Variants in PRELID2 observed in about 807,000 individuals in gnomAD.
PRELID2 encodes the protein PRELI domain containing 2.
In PRELID2, 25 loss-of-function variants were observed where a neutral mutation model predicts 28.4. The ratio of observed to expected loss-of-function variants is 0.88; its 90% CI spans 0.64 to 1.23. PRELID2 has a LOEUF of 1.23. Ranked by LOEUF, PRELID2 falls within the 50% of genes most tolerant of loss-of-function variation. The pLI, the probability that PRELID2 is intolerant of heterozygous loss-of-function variation, is 0.00. For missense variants in PRELID2, 201 were observed against 214.4 expected (o/e 0.94, Z 0.39); for synonymous variants, 76 against 71.6 (o/e 1.06, Z -0.31).
the PRELID2 span, among the ~76,000 whole-genome samples, chr5:145,412,110 C>T: frequency 1.3e-5 from 2 of 152,132 alleles, no homozygotes; most frequent in African/African-American, 2.4e-5. Flanking sequence ...AGGTCTCTGA[C>T]ACGCCCTGGA....
At chr5:145,595,388 T>C (rs928978887) in intron 1 of PRELID2, among the ~76,000 whole-genome samples, 10 of 152,180 alleles carry the variant, frequency 6.6e-5, no homozygotes, top group Admixed American at 2.0e-4. Flanking sequence ...AGGTGGGTTG[T>C]AGTTTGGAAG....
the PRELID2 span, among the ~76,000 whole-genome samples, chr5:145,392,028 C>T: frequency 6.6e-6 from 1 of 152,260 alleles, no homozygotes; most frequent in African/African-American, 2.4e-5. Flanking sequence ...ATTTTCCTGT[C>T]TTCTTCTGGG....
the PRELID2 span, among the ~76,000 whole-genome samples, chr5:145,463,701 C>A: frequency 6.6e-6 from 1 of 152,090 alleles, no homozygotes; most frequent in African/African-American, 2.4e-5. Flanking sequence ...CAGAAGCCTA[C>A]AGGGGCCTGA....
At chr5:145,337,012 A>G in the PRELID2 span, among the ~76,000 whole-genome samples, 3 of 150,508 alleles carry the variant, frequency 2.0e-5, no homozygotes, top group Non-Finnish European at 4.4e-5. Context: ...GCCTAATGCT[A>G]AATGATGAGT....
chr5:145,327,735 GC>G, the PRELID2 span, among the ~76,000 whole-genome samples: 3 of 151,596 alleles, frequency 2.0e-5, no homozygotes, highest in African/African-American at 7.3e-5. Context: ...ATATTGATAT[GC>G]TTTGATGCCT....
chr5:145,353,357 G>A, the PRELID2 span, among the ~76,000 whole-genome samples: 1 of 152,046 alleles, frequency 6.6e-6, no homozygotes, highest in African/African-American at 2.4e-5. Flanking sequence ...CAGATACTTA[G>A]GAGGCTGAGG....
chr5:145,588,895 C>T (rs1242158489), intron 1 of PRELID2, among the ~76,000 whole-genome samples: 2 of 150,300 alleles, frequency 1.3e-5, no homozygotes, highest in South Asian at 2.1e-4. Context: ...AAAAAAAAAT[C>T]GTCATTTTCT....
the PRELID2 span, among the ~76,000 whole-genome samples, chr5:145,416,968 C>CA: frequency 6.6e-6 from 1 of 151,466 alleles, no homozygotes; most frequent in East Asian, 1.9e-4. Flanking sequence ...AACTAGTTTT[C>CA]AAAAAATTAG....
At chr5:145,822,710 C>T (rs534224448) in intron 2 of PRELID2, among the ~76,000 whole-genome samples, 32 of 152,264 alleles carry the variant, frequency 2.1e-4, no homozygotes, top group African/African-American at 7.5e-4. Flanking sequence ...TAGTCTAACA[C>T]CTATTCCAAA....
the PRELID2 span, among the ~76,000 whole-genome samples, chr5:145,381,003 AG>A: frequency 1.3e-5 from 2 of 152,224 alleles, no homozygotes; most frequent in African/African-American, 4.8e-5. Context: ...AAATGTTTAA[AG>A]AATGATCCAC....
intron 1 of PRELID2, among the ~76,000 whole-genome samples, chr5:145,687,286 G>A (rs1361186336): frequency 6.6e-6 from 1 of 152,204 alleles, no homozygotes; most frequent in Admixed American, 6.6e-5. Context: ...GGTCAGGAAA[G>A]CCGGGTCCCA....
At chr5:145,372,313 T>C in the PRELID2 span, among the ~76,000 whole-genome samples, 2 of 152,110 alleles carry the variant, frequency 1.3e-5, no homozygotes. Context: ...TAAGAGACTG[T>C]TTGTTACAGT....
At chr5:145,790,721 G>GTATA (rs59779850) in intron 5 of PRELID2, among the ~76,000 whole-genome samples, 59 of 110,890 alleles carry the variant, frequency 5.3e-4, no homozygotes, top group Middle Eastern at 5.3e-3. Context: ...GTGTGTGTGT[G>GTATA]TATATATATA....
At chr5:145,337,099 A>T in the PRELID2 span, among the ~76,000 whole-genome samples, 1,136 of 151,754 alleles carry the variant, frequency 7.5e-3, 11 homozygotes, top group Non-Finnish European at 0.011. Context: ...GTACCCTAAA[A>T]CTTGAAGTAT....
At chr5:145,289,097 T>C in the PRELID2 span, among the ~76,000 whole-genome samples, 1 of 152,102 alleles carries the variant, frequency 6.6e-6, no homozygotes, top group Non-Finnish European at 1.5e-5. Context: ...GATTCCTTTG[T>C]CACAGTTTGC....
the PRELID2 span, among the ~76,000 whole-genome samples, chr5:145,455,169 G>C: frequency 6.6e-6 from 1 of 151,956 alleles, no homozygotes; most frequent in African/African-American, 2.4e-5. Context: ...TGTAAGGAAG[G>C]GGTCCAGTTT....
the PRELID2 span, among the ~76,000 whole-genome samples, chr5:145,390,019 T>G: frequency 6.6e-6 from 1 of 152,226 alleles, no homozygotes; most frequent in Non-Finnish European, 1.5e-5. Context: ...CCATGAAATC[T>G]TGAAACAAAT....
intron 1 of PRELID2, among the ~76,000 whole-genome samples, chr5:145,592,580 A>C (rs2149632128): frequency 6.6e-6 from 1 of 152,300 alleles, no homozygotes; most frequent in East Asian, 1.9e-4. Context: ...TCTAAAAAAG[A>C]GGAAACAAAT....
chr5:145,581,403 G>GAT (rs774588821), intron 1 of PRELID2, among the ~76,000 whole-genome samples: 1 of 152,078 alleles, frequency 6.6e-6, no homozygotes, highest in Non-Finnish European at 1.5e-5. Context: ...GACATGCAAG[G>GAT]ATATATGTGG....
Sources: gnomAD v4.1 joint callset for allele counts (sites outside exome capture counted in the v4.1 genomes callset) on GRCh38, gnomAD v4.1.1 for gene constraint, MANE v1.5 for transcripts, NCBI Gene and HGNC (gene_info 2026-07-23, HGNC 2026-07-21) for gene names.